ARMC9: variants seen among roughly 807,000 people sequenced by gnomAD.
ARMC9 encodes the protein armadillo repeat containing 9.
ARMC9 carries 94 observed loss-of-function variants against 107.0 expected under a neutral mutation model. That is an observed-to-expected ratio of 0.88 (90% CI 0.74 to 1.04). ARMC9 has a LOEUF of 1.04. Among genes scored for constraint, ARMC9 ranks in the 50% least tolerant of loss-of-function variants. The probability of loss-of-function intolerance (pLI) is 0.00; values close to 1 mark genes in which losing one functional copy is unlikely to be tolerated. For missense variants in ARMC9, 942 were observed against 1,030.1 expected (o/e 0.91, Z 1.17); for synonymous variants, 380 against 396.9 (o/e 0.96, Z 0.51).
intron 8 of ARMC9, among the ~76,000 whole-genome samples, chr2:231,239,487 G>GA (rs2036083276): frequency 6.6e-6 from 1 of 152,180 alleles, no homozygotes; most frequent in Non-Finnish European, 1.5e-5. Flanking sequence ...TGCTCACTGT[G>GA]GCTGTTACAA....
chr2:231,313,738 G>T lies in ARMC9; in HGVS notation c.1773+17485G>T, dbSNP rs574848795. 1.5e-3 allele frequency among the ~76,000 whole-genome samples: 235 copies of T among 151,688 alleles called. 1 individual carries two copies. The highest frequency in any genetic ancestry group is 2.9e-3 in the Non-Finnish European group (198 of 67,880). The stretch of plus-strand genomic sequence containing the variant: ...GGAGATTTTATATCGTATGCATGTG[G>T]CTAGTGTTTTCATTTTCTTTTTTTT... On this transcript the variant is annotated intron_variant, in intron 19 of 24. Transcript: ENST00000611582.
intron 3 of ARMC9, among the ~76,000 whole-genome samples, chr2:231,209,662 A>T (rs141812712): frequency 6.6e-6 from 1 of 152,080 alleles, no homozygotes; most frequent in African/African-American, 2.4e-5. Flanking sequence ...CAGCCTCCCA[A>T]GTAGCTGGGA....
At chr2:231,351,852 C>A (rs1004156758) in intron 21 of ARMC9, among the ~76,000 whole-genome samples, 3 of 152,078 alleles carry the variant, frequency 2.0e-5, no homozygotes, top group African/African-American at 7.2e-5. Flanking sequence ...TATGACCCTC[C>A]CTTCACCACC....
chr2:231,369,611 T>C (rs2045938589), intron 23 of ARMC9, among the ~76,000 whole-genome samples: 2 of 151,766 alleles, frequency 1.3e-5, no homozygotes, highest in South Asian at 4.2e-4. Context: ...TTTTTTTTTT[T>C]TTGAGACAGA....
intron 20 of ARMC9, among the ~76,000 whole-genome samples, chr2:231,344,309 C>T (rs2044689585): frequency 1.3e-5 from 2 of 152,128 alleles, no homozygotes; most frequent in Admixed American, 6.5e-5. Context: ...TGGACGGGAT[C>T]GTTTTTCTGT....
intron 16 of ARMC9, among the ~76,000 whole-genome samples, chr2:231,280,756 T>C (rs2125450940): frequency 6.6e-6 from 1 of 152,292 alleles, no homozygotes; most frequent in East Asian, 1.9e-4. Context: ...TCCTAATAGA[T>C]GAAGAGCTGG....
intron 19 of ARMC9, among the ~76,000 whole-genome samples, chr2:231,311,079 A>G (rs965129258): frequency 6.6e-6 from 1 of 151,580 alleles, no homozygotes; most frequent in African/African-American, 2.4e-5. Flanking sequence ...GAGAGCTGAA[A>G]TTTGTGCCAT....
chr2:231,336,980 C>G (rs2044134256), intron 20 of ARMC9, among the ~76,000 whole-genome samples: 1 of 152,196 alleles, frequency 6.6e-6, no homozygotes, highest in Non-Finnish European at 1.5e-5. Context: ...TCCTGCTGTA[C>G]CCGGTCCTGC....
intron 20 of ARMC9, among the ~76,000 whole-genome samples, chr2:231,337,290 ATT>A (rs58078324): frequency 1.1e-3 from 43 of 38,008 alleles, no homozygotes; most frequent in African/African-American, 4.6e-3. Context: ...ATATATATAT[ATT>A]TTTTTTTTTT....
Position 231,222,803 on chromosome 2 carries a change from A to G in ARMC9, c.580A>G (p.Lys194Glu). ...AATATCTAAAGCCAGCAACACGCCA[A>G]AGCTTTTAACAATATATGTATCCTT... is the stretch of plus-strand genomic sequence containing the variant. Reference protein sequence around the residue: ...ALISKASNTPKLLTIYKENGQ... With the variant: ...ALISKASNTPELLTIYKENGQ... Residue 194 changes from lysine (K) to glutamate (E), a missense_variant, in exon 6 of 25, where the codon AAG becomes GAG. Lys to Glu is a moderately conservative substitution (Grantham distance 56, BLOSUM62 1). Transcript: ENST00000611582. 3 of 1,588,738 alleles carry G rather than the reference A, an allele frequency of 1.9e-6. No individual in the cohort carries two copies. The highest frequency in any genetic ancestry group is 2.6e-6 in the Non-Finnish European group (3 of 1,158,680).
chr2:231,214,253 T>C lies in ARMC9; in HGVS notation c.178-578T>C, dbSNP rs565984477. Among the ~76,000 whole-genome samples the C allele has an allele frequency of 3.9e-5, 6 of 152,312 alleles. 1 individual carries two copies. In the East Asian group the frequency reaches 9.6e-4, roughly 24 times the overall value. ...CTGGCAGGCGTGGACAGTCACCTTA[T>C]GGTATAATGGGGTCTGTGGTGGCTT... On this transcript the variant is annotated intron_variant, in intron 3 of 24. Transcript: ENST00000611582.
At chr2:231,257,512 T>C (rs1395681158) in intron 10 of ARMC9, among the ~76,000 whole-genome samples, 1 of 152,172 alleles carries the variant, frequency 6.6e-6, no homozygotes, top group African/African-American at 2.4e-5. Context: ...GCCTTCCTCC[T>C]CCCTCAGCCC....
chr2:231,307,332 C>T (rs1575026042), intron 19 of ARMC9, among the ~76,000 whole-genome samples: 3 of 152,158 alleles, frequency 2.0e-5, no homozygotes, highest in African/African-American at 7.2e-5. Flanking sequence ...TTGTCTGGCA[C>T]CTAGCCCTGG....
chr2:231,260,558 G>A (rs1293664667), intron 11 of ARMC9, among the ~76,000 whole-genome samples: 1 of 152,154 alleles, frequency 6.6e-6, no homozygotes, highest in Non-Finnish European at 1.5e-5. Flanking sequence ...CCTGAAGTAC[G>A]TCTTGAGGAC....
intron 20 of ARMC9, among the ~76,000 whole-genome samples, chr2:231,336,348 C>T (rs2044087531): frequency 6.6e-6 from 1 of 152,054 alleles, no homozygotes; most frequent in African/African-American, 2.4e-5. Flanking sequence ...TCCCAGCAAA[C>T]TTATGGGGCA....
chr2:231,363,912 C>G (rs1347913162), intron 23 of ARMC9, among the ~76,000 whole-genome samples: 1 of 135,572 alleles, frequency 7.4e-6, no homozygotes, highest in Admixed American at 7.4e-5. Flanking sequence ...AAAAAAAAAG[C>G]CCAGACCCTA....
intron 22 of ARMC9, among the ~76,000 whole-genome samples, chr2:231,359,337 C>G (rs1308122051): frequency 6.6e-6 from 1 of 151,550 alleles, no homozygotes; most frequent in Admixed American, 6.6e-5. Context: ...TCTGCCTGCC[C>G]CAGCCTCCCA....
At position 231,349,713 on chromosome 2, in the gene ARMC9, G is replaced by A. The variant is rs573963146; in HGVS notation, c.1994+4623G>A. ...GGAGAATCACTTGAACCTGGGAGACGGAGGTTGCAGTGAGCTGAGATCACA... is the reference window on the plus strand; with the variant it reads ...GGAGAATCACTTGAACCTGGGAGACAGAGGTTGCAGTGAGCTGAGATCACA... On this transcript the variant is annotated intron_variant, in intron 21 of 24. Transcript: ENST00000611582. Among the ~76,000 whole-genome samples the A allele has an allele frequency of 1.6e-3, 240 of 152,088 alleles. 1 individual carries two copies. The highest frequency in any genetic ancestry group is 4.1e-3 in the African/African-American group (170 of 41,450).
At chr2:231,259,368 CCTGGTGATGAGCCCCA>C (rs1369995388) in intron 11 of ARMC9, among the ~76,000 whole-genome samples, 2 of 152,194 alleles carry the variant, frequency 1.3e-5, no homozygotes, top group African/African-American at 4.8e-5. Context: ...GTAGCCCTTT[CCTGGTGATGAGCCCCA>C]CTCTGCTTGT....
Sources: gnomAD v4.1 joint callset for allele counts (sites outside exome capture counted in the v4.1 genomes callset) on GRCh38, gnomAD v4.1.1 for gene constraint, MANE v1.5 for transcripts, NCBI Gene and HGNC (gene_info 2026-07-23, HGNC 2026-07-21) for gene names.